Variants in GALNT15 observed in about 807,000 individuals in gnomAD.
GALNT15 encodes polypeptide N-acetylgalactosaminyltransferase 15, also known as UDP-GalNAc transferase T15.
Under a neutral mutation model 66.8 loss-of-function variants are expected in GALNT15, and 67 were observed. The observed-to-expected ratio is 1.00, with a 90% CI of 0.82 to 1.23. The LOEUF (loss-of-function observed/expected upper bound fraction) is 1.23, where lower values mean the gene tolerates loss of function less well. Ranked by LOEUF, GALNT15 falls within the 50% of genes most tolerant of loss-of-function variation. The pLI is 0.00. For synonymous variants in GALNT15, 313 were observed against 311.5 expected (o/e 1.00, Z -0.05); for missense variants, 827 against 804.3 (o/e 1.03, Z -0.34).
downstream of GALNT15, among the ~76,000 whole-genome samples, chr3:16,235,483 C>T (rs748832873): frequency 1.3e-5 from 2 of 152,144 alleles, no homozygotes; most frequent in Non-Finnish European, 2.9e-5. Flanking sequence ...TGCATGATTG[C>T]TCTCCATGAT....
Position 16,204,652 on chromosome 3 carries a change from G to A in GALNT15, c.911+3829G>A, listed in dbSNP as rs944253424. Reference sequence around the variant, plus strand: ...CTGGAAGGATGAAGGTTTCTAAGGGGAAAGGGACAGTCTTGAAAGGGGCTG... The same window carrying A: ...CTGGAAGGATGAAGGTTTCTAAGGGAAAAGGGACAGTCTTGAAAGGGGCTG... On this transcript the variant is annotated intron_variant, in intron 3 of 9. Coordinates refer to ENST00000339732, the MANE Select transcript of GALNT15 (RefSeq NM_054110.5). This position sits in a 1 kb window ranked among gnomAD's most constrained non-coding sequence, Gnocchi z 4.5. 7.9e-5 allele frequency among the ~76,000 whole-genome samples: 12 copies of A among 152,212 alleles called. No individual in the cohort carries two copies. The highest frequency in any genetic ancestry group is 2.4e-4 in the African/African-American group (10 of 41,456).
rs147248269 is a variant in GALNT15 at position 16,227,443 on chromosome 3, T to C, written c.1863T>C (p.Asp621=). ...AAGATTTGTACCTGCGTCCGTGTGA[T>C]GGAAAAGCCCGCCAGCAGTGGCGTT... ...NNKDLYLRPC[D]GKARQQWRFD... The change falls in exon 10 of 10, where the codon GAT becomes GAC. Residue 621 remains aspartate (D), a synonymous_variant. Coordinates refer to ENST00000339732, the MANE Select transcript of GALNT15 (RefSeq NM_054110.5). This position sits in a 1 kb window ranked among gnomAD's most constrained non-coding sequence, Gnocchi z 4.5. 1.0e-3 allele frequency: 1,694 copies of C among 1,614,186 alleles called. 3 individuals are homozygous for C. Among genetic ancestry groups the C allele is most frequent in the South Asian group, 6.5e-3 (588 of 91,084 alleles).
At chr3:16,222,120 C>T (rs771851525) in intron 8 of GALNT15, among the ~76,000 whole-genome samples, 17 of 152,200 alleles carry the variant, frequency 1.1e-4, no homozygotes, top group Non-Finnish European at 2.1e-4. Flanking sequence ...ACAAGATCCT[C>T]ACAGTTAAAG....
chr3:16,203,176 G>A lies in GALNT15; in HGVS notation c.911+2353G>A, dbSNP rs1429932730. 1.3e-5 allele frequency among the ~76,000 whole-genome samples: 2 copies of A among 152,116 alleles called. No homozygotes were observed. Among genetic ancestry groups the A allele is most frequent in the Non-Finnish European group, 2.9e-5 (2 of 68,030 alleles). On this transcript the variant is annotated intron_variant, in intron 3 of 9. Coordinates refer to ENST00000339732, the MANE Select transcript of GALNT15 (RefSeq NM_054110.5). This position sits in a 1 kb window ranked among gnomAD's most constrained non-coding sequence, Gnocchi z 6.2. ...CTGGGTCCAGTGCTGTTTTTATTGT[G>A]TACATTTTCTTTTTAAGAGTTGGAG... is the stretch of plus-strand genomic sequence containing the variant.
At chr3:16,220,925 C>G (rs2063935835) in intron 8 of GALNT15, among the ~76,000 whole-genome samples, 1 of 152,194 alleles carries the variant, frequency 6.6e-6, no homozygotes, top group Non-Finnish European at 1.5e-5. Context: ...CTTTACCAAT[C>G]TCCTAGGACA....
intron 2 of GALNT15, among the ~76,000 whole-genome samples, chr3:16,199,735 G>T (rs1388772186): frequency 6.6e-6 from 1 of 152,166 alleles, no homozygotes; most frequent in Non-Finnish European, 1.5e-5. Flanking sequence ...GGTCTGTCTT[G>T]CTTTTTACCC....
downstream of GALNT15, among the ~76,000 whole-genome samples, chr3:16,236,476 G>C (rs1156865321): frequency 1.3e-5 from 2 of 152,252 alleles, no homozygotes; most frequent in Admixed American, 1.3e-4. Context: ...TGGTTGGCCA[G>C]ATTTGGCCAA....
In GALNT15 at chr3:16,228,168, A is replaced by G. The variant is rs1285351738; in HGVS notation, c.*668A>G. 3 of 985,990 alleles carry G rather than the reference A, an allele frequency of 3.0e-6. No individual in the cohort carries two copies. In the East Asian group the frequency reaches 3.4e-4, roughly 112 times the overall value. 61.1% of individuals were successfully genotyped at this position (985,990 alleles called of 1,614,324 possible). On this transcript the variant is annotated 3_prime_UTR_variant, in exon 10 of 10. Transcript: ENST00000339732. Reference sequence around the variant, plus strand: ...TTTCATGTTAATGAGAATTTCCACCATTGTAGAGAATTTCCTTCCTACTGA... The same window carrying G: ...TTTCATGTTAATGAGAATTTCCACCGTTGTAGAGAATTTCCTTCCTACTGA...
At chr3:16,246,358 G>T in the GALNT15 span, among the ~76,000 whole-genome samples, 28 of 123,672 alleles carry the variant, frequency 2.3e-4, no homozygotes, top group Non-Finnish European at 3.5e-4. Context: ...ATGGAGTCTC[G>T]CTCTGTTGCC....
intron 8 of GALNT15, among the ~76,000 whole-genome samples, chr3:16,220,880 T>G (rs1044384096): frequency 6.6e-6 from 1 of 152,190 alleles, no homozygotes. Context: ...GGGAGGGAGA[T>G]GCTCAGGATC....
At chr3:16,244,920 A>G in the GALNT15 span, among the ~76,000 whole-genome samples, 1 of 152,074 alleles carries the variant, frequency 6.6e-6, no homozygotes, top group African/African-American at 2.4e-5. Flanking sequence ...GCTTTCCGCC[A>G]CTGCTGCTGA....
intron 2 of GALNT15, among the ~76,000 whole-genome samples, chr3:16,197,182 C>G (rs888182084): frequency 6.6e-6 from 1 of 152,204 alleles, no homozygotes; most frequent in Non-Finnish European, 1.5e-5. Context: ...AGCTGTGTTA[C>G]GTCTGTGCCC....
At chr3:16,226,494 CGA>C (rs1174252402) in intron 9 of GALNT15, among the ~76,000 whole-genome samples, 2 of 152,018 alleles carry the variant, frequency 1.3e-5, no homozygotes, top group African/African-American at 4.8e-5. Flanking sequence ...TGGCAGAAGG[CGA>C]AGAGGAAGCA....
In GALNT15 at chr3:16,204,101, C is replaced by A. The variant is rs1372108290; in HGVS notation, c.911+3278C>A. Among the ~76,000 whole-genome samples, 1 of 151,888 alleles carries A rather than the reference C, an allele frequency of 6.6e-6. No homozygotes were observed. Among genetic ancestry groups the A allele is most frequent in the African/African-American group, 2.4e-5 (1 of 41,336 alleles). On this transcript the variant is annotated intron_variant, in intron 3 of 9. Coordinates refer to ENST00000339732, the MANE Select transcript of GALNT15 (RefSeq NM_054110.5). This position sits in a 1 kb window ranked among gnomAD's most constrained non-coding sequence, Gnocchi z 4.5. ...GTGGTGAGTGAACAGTGCAGTAAGC[C>A]ACAAATCAGCTCTTTCAAAGAGCCG...
In GALNT15 at chr3:16,174,990, C is replaced by G. The variant is rs543532307; in HGVS notation, c.-162C>G. 3.2e-6 allele frequency: 2 copies of G among 628,346 alleles called. No homozygotes were observed. The highest frequency in any genetic ancestry group is 5.5e-6 in the Non-Finnish European group (2 of 364,184). 38.9% of individuals were successfully genotyped at this position (628,346 alleles called of 1,614,324 possible). Reference sequence around the variant, plus strand: ...TTTCTGATTGTAAGTGGAAGCAGGTCTTGCACACGCTGTTGGCAAATGTCA... The same window carrying G: ...TTTCTGATTGTAAGTGGAAGCAGGTGTTGCACACGCTGTTGGCAAATGTCA... On this transcript the variant is annotated 5_prime_UTR_variant, in exon 1 of 10. Transcript: ENST00000339732. The surrounding 1 kb of genome is among the most constrained non-coding windows in gnomAD (Gnocchi z 4.7).
chr3:16,209,273 G>T lies in GALNT15; in HGVS notation c.1079+603G>T, dbSNP rs999831403. ...TTTATTAAGCTCATGAATTCTGTGG[G>T]ATATGAATTCTGAAAGGACACAGTG... On this transcript the variant is annotated intron_variant, in intron 4 of 9. Transcript: ENST00000339732. The surrounding 1 kb of genome is among the most constrained non-coding windows in gnomAD (Gnocchi z 4.1). Among the ~76,000 whole-genome samples the T allele has an allele frequency of 6.6e-6, 1 of 152,152 alleles. No individual in the cohort carries two copies.
intron 1 of GALNT15, among the ~76,000 whole-genome samples, chr3:16,185,782 GATA>G (rs2063510911): frequency 6.8e-6 from 1 of 148,084 alleles, no homozygotes; most frequent in African/African-American, 2.5e-5. Flanking sequence ...TAGATAGATA[GATA>G]GATAGATGAT....
At position 16,175,216 on chromosome 3, in the gene GALNT15, T is replaced by A; in HGVS notation, c.65T>A (p.Met22Lys). ...CTCCAGTTCCTCCTGCTGCTCCTGA[T>A]GCTGGGATGCGTCCTGATGATGGTG... The part of the protein sequence containing the change: ...CRLQFLLLLL[M>K]LGCVLMMVAM... The change falls in exon 1 of 10, where the codon ATG becomes AAG. Residue 22 changes from methionine (M) to lysine (K), a missense_variant. Transcript: ENST00000339732. The surrounding 1 kb of genome is among the most constrained non-coding windows in gnomAD (Gnocchi z 5.6). The A allele has an allele frequency of 6.2e-7, 1 of 1,614,190 alleles. No homozygotes were observed. The highest frequency in any genetic ancestry group is 1.6e-4 in the Middle Eastern group (1 of 6,062).
At chr3:16,218,808 C>CCCTT (rs2063907997) in intron 6 of GALNT15, among the ~76,000 whole-genome samples, 1 of 131,102 alleles carries the variant, frequency 7.6e-6, no homozygotes, top group Non-Finnish European at 1.6e-5. Flanking sequence ...CTCTCTCTCT[C>CCCTT]TCTTTTTTTT....
Sources: gnomAD v4.1 joint callset for allele counts (sites outside exome capture counted in the v4.1 genomes callset) on GRCh38, gnomAD v4.1.1 for gene constraint, Gnocchi (gnomAD v3.1) non-coding constraint, MANE v1.5 for transcripts, NCBI Gene and HGNC (gene_info 2026-07-23, HGNC 2026-07-21) for gene names.